SERPINI2: variants seen among roughly 807,000 people sequenced by gnomAD.
The protein encoded by SERPINI2 is serpin I2.
SERPINI2 carries 48 observed loss-of-function variants against 47.3 expected under a neutral mutation model. The ratio of observed to expected loss-of-function variants is 1.02; its 90% CI spans 0.81 to 1.29. The LOEUF (loss-of-function observed/expected upper bound fraction) is 1.29. Ranked by LOEUF, SERPINI2 falls within the 50% of genes most tolerant of loss-of-function variation. SERPINI2 has a pLI of 0.00. For missense variants in SERPINI2, 448 were observed against 456.9 expected (o/e 0.98, Z 0.18); for synonymous variants, 135 against 149.3 (o/e 0.90, Z 0.70).
upstream of SERPINI2, among the ~76,000 whole-genome samples, chr3:167,474,653 G>A (rs186517764): frequency 5.3e-5 from 8 of 151,750 alleles, no homozygotes; most frequent in African/African-American, 1.4e-4. Flanking sequence ...AATATATCAG[G>A]ACAATACTAT....
rs1749576301 is a variant in SERPINI2 at position 167,449,369 on chromosome 3, TGC to T, written c.996_997del (p.Gln333LysfsTer5). 6.2e-7 allele frequency: 1 copy of T among 1,612,964 alleles called. No individual in the cohort carries two copies. Among genetic ancestry groups the T allele is most frequent in the Non-Finnish European group, 8.5e-7 (1 of 1,179,366 alleles). ...TTCATTTATCTCAAAGAAAACTTTT[TGC>T]GTCACTTGGGAAACATACACTTCAG... On this transcript the variant is annotated frameshift_variant, in exon 7 of 9. Coordinates refer to ENST00000264677, the Ensembl canonical transcript of SERPINI2. LOFTEE classifies it high-confidence loss of function.
intron 6 of SERPINI2, among the ~76,000 whole-genome samples, chr3:167,451,418 C>G (rs1434514080): frequency 6.6e-6 from 1 of 152,182 alleles, no homozygotes; most frequent in Non-Finnish European, 1.5e-5. Flanking sequence ...TTCATAGTAG[C>G]CTTTAGTGAA....
At chr3:167,469,260 T>C (rs904352810) in intron 2 of SERPINI2, 2 of 152,176 alleles carry the variant, frequency 1.3e-5, no homozygotes, top group Admixed American at 1.3e-4. Flanking sequence ...TGAATGTGGC[T>C]CTTGATTTGA....
intron 5 of SERPINI2, among the ~76,000 whole-genome samples, chr3:167,463,038 C>G (rs1750026808): frequency 6.6e-6 from 1 of 151,922 alleles, no homozygotes; most frequent in Admixed American, 6.6e-5. Context: ...TATCATTATC[C>G]ACATTTTATA....
intron 8 of SERPINI2, among the ~76,000 whole-genome samples, chr3:167,445,175 G>A (rs1286637262): frequency 6.6e-6 from 1 of 152,106 alleles, no homozygotes; most frequent in Non-Finnish European, 1.5e-5. Context: ...GGGTCTCTCA[G>A]CATTAGTTTC....
intron 5 of SERPINI2, among the ~76,000 whole-genome samples, chr3:167,459,570 T>C (rs929410287): frequency 1.3e-5 from 2 of 151,976 alleles, no homozygotes; most frequent in African/African-American, 4.8e-5. Flanking sequence ...CTAAACTAGA[T>C]ATACACAAAA....
At chr3:167,450,773 CA>C (rs983252060) in intron 6 of SERPINI2, among the ~76,000 whole-genome samples, 5 of 151,940 alleles carry the variant, frequency 3.3e-5, no homozygotes, top group Admixed American at 1.3e-4. Context: ...GAGGAAAGAC[CA>C]AAAAGCAGGT....
intron 3 of SERPINI2, among the ~76,000 whole-genome samples, chr3:167,466,520 C>G (rs1285103750): frequency 1.3e-5 from 2 of 152,148 alleles, no homozygotes; most frequent in Non-Finnish European, 2.9e-5. Flanking sequence ...GATTTCAACT[C>G]AGATTTATAT....
At chr3:167,467,085 T>A in exon 3 of SERPINI2, 1 of 1,611,798 alleles carries the variant, frequency 6.2e-7, no homozygotes, top group Non-Finnish European at 8.5e-7. Flanking sequence ...CAGGTACTTA[T>A]CATCTCTGCA....
At chr3:167,453,831 C>T (rs1368334291) in intron 5 of SERPINI2, among the ~76,000 whole-genome samples, 2 of 151,754 alleles carry the variant, frequency 1.3e-5, no homozygotes, top group Non-Finnish European at 2.9e-5. Context: ...TCCACGATTC[C>T]AAGTCAAAAG....
chr3:167,465,127 T>G (rs977368778), intron 5 of SERPINI2, 79 bp downstream of exon 5: 4 of 1,232,304 alleles, frequency 3.2e-6, no homozygotes, highest in Non-Finnish European at 4.6e-6. Flanking sequence ...TTCAAGTATT[T>G]GTTACCTTTC....
chr3:167,473,730 C>T (rs1560238267), intron 1 of SERPINI2: 5 of 1,465,148 alleles, frequency 3.4e-6, no homozygotes, highest in Non-Finnish European at 4.5e-6. Context: ...TTTAAAAACT[C>T]ACTTACCTCA....
chr3:167,475,165 A>G (rs1750450227), upstream of SERPINI2, among the ~76,000 whole-genome samples: 1 of 151,778 alleles, frequency 6.6e-6, no homozygotes, highest in African/African-American at 2.4e-5. Flanking sequence ...TTATTCTAAT[A>G]TTACCTACTC....
chr3:167,442,388 G>T (rs1360097768), intron 8 of SERPINI2, among the ~76,000 whole-genome samples: 1 of 151,970 alleles, frequency 6.6e-6, no homozygotes, highest in South Asian at 2.1e-4. Context: ...AATTTATGAG[G>T]TAAATTAACA....
intron 5 of SERPINI2, among the ~76,000 whole-genome samples, chr3:167,461,119 G>A (rs771642379): frequency 3.0e-4 from 45 of 152,276 alleles, no homozygotes; most frequent in Non-Finnish European, 5.1e-4. Context: ...GGATTAATGG[G>A]AACTTATTGG....
intron 1 of SERPINI2, among the ~76,000 whole-genome samples, chr3:167,472,554 G>T (rs1316174203): frequency 6.6e-6 from 1 of 151,636 alleles, no homozygotes; most frequent in Non-Finnish European, 1.5e-5. Flanking sequence ...TTAGTGTCAG[G>T]CCATATACCC....
intron 5 of SERPINI2, among the ~76,000 whole-genome samples, chr3:167,459,463 C>G (rs1749921354): frequency 6.6e-6 from 1 of 151,852 alleles, no homozygotes; most frequent in South Asian, 2.1e-4. Flanking sequence ...CATTCAACTG[C>G]AGGATGATGT....
chr3:167,457,564 T>C (rs1749834506), intron 5 of SERPINI2, among the ~76,000 whole-genome samples: 1 of 152,228 alleles, frequency 6.6e-6, no homozygotes, highest in Non-Finnish European at 1.5e-5. Flanking sequence ...TAACTGATCT[T>C]TTAGGCTTTA....
At position 167,454,115 on chromosome 3, in the gene SERPINI2, G is replaced by A. The variant is rs116775406; in HGVS notation, c.867-1082C>T. Among the ~76,000 whole-genome samples, 912 of 152,326 alleles carry A rather than the reference G, an allele frequency of 6.0e-3. 8 individuals carry two copies. Among genetic ancestry groups the A allele is most frequent in the African/African-American group, 0.021 (867 of 41,578 alleles). ...CTCCCCAGTTAGAATGCATACGCTA[G>A]TGCTCAAGGATCCTTGTTCATTCAG... On this transcript the variant is annotated intron_variant, in intron 5 of 8. Transcript: ENST00000264677.
Sources: allele counts gnomAD v4.1 joint callset (sites outside exome capture counted in the v4.1 genomes callset), GRCh38; gene constraint gnomAD v4.1.1; transcripts MANE v1.5; gene names NCBI Gene and HGNC (gene_info 2026-07-23, HGNC 2026-07-21).